Variants in SOX5 observed in about 807,000 individuals in gnomAD.
The protein encoded by SOX5 is SRY-box transcription factor 5, also known as transcription factor SOX-5.
A neutral mutation model predicts 92.0 loss-of-function variants in SOX5; 9 were observed. That is an observed-to-expected ratio of 0.10 (90% confidence interval 0.06 to 0.17). The LOEUF is 0.17. SOX5 is among the 10% of genes least tolerant of loss of function. The pLI, the probability that SOX5 is intolerant of heterozygous loss-of-function variation, is 1.00. For missense variants in SOX5, 642 were observed against 944.5 expected, an observed-to-expected ratio of 0.68 and a Z score of 4.20; for synonymous variants, 344 against 336.3, an observed-to-expected ratio of 1.02 and a Z score of -0.25.
At chr12:24,012,975 A>T (rs991572767) in intron 4 of SOX5, among the ~76,000 whole-genome samples, 1 of 152,162 alleles carries the variant, frequency 6.6e-6, no homozygotes, top group African/African-American at 2.4e-5. Flanking sequence ...TTTGGTGATC[A>T]CTTCATTCCC....
chr12:23,721,512 C>A (rs1404641373), intron 6 of SOX5, among the ~76,000 whole-genome samples: 2 of 151,796 alleles, frequency 1.3e-5, no homozygotes, highest in African/African-American at 4.8e-5. Context: ...AAAAAAAAAA[C>A]TTACAGTAAA....
intron 6 of SOX5, among the ~76,000 whole-genome samples, chr12:23,670,071 A>G (rs1185256828): frequency 6.6e-6 from 1 of 152,212 alleles, no homozygotes; most frequent in African/African-American, 2.4e-5. Context: ...AGATAAAATT[A>G]AAGTTAGACA....
chr12:24,527,971 A>C lies in SOX5; in HGVS notation c.-251+34358T>G, dbSNP rs374723258. Among the ~76,000 whole-genome samples the C allele has an allele frequency of 3.9e-5, 6 of 152,240 alleles. No individual in the cohort carries two copies. In the East Asian group the frequency reaches 1.2e-3, roughly 29 times the overall value. ...ACTTTTCCTTAGAGACACATCACTT[A>C]CTTGATTTATGTGGCTGACACTAGC... On this transcript the variant is annotated intron_variant, in intron 1 of 4. Transcript: ENST00000446891.
In SOX5 at chr12:24,464,728, A is replaced by C. The variant is rs781374718; in HGVS notation, c.-250-96089T>G. Among the ~76,000 whole-genome samples, 12 of 152,240 alleles carry C rather than the reference A, an allele frequency of 7.9e-5. No homozygotes were observed. The South Asian group carries it at 1.4e-3, about 18-fold the overall frequency. On this transcript the variant is annotated intron_variant, in intron 1 of 4. Transcript: ENST00000446891. Reference sequence around the variant, plus strand: ...TATTAATAAAAATCCTATGAGATAGAAACTAATAGTAGCCCCACTTTCCAG... The same window carrying C: ...TATTAATAAAAATCCTATGAGATAGCAACTAATAGTAGCCCCACTTTCCAG...
At chr12:23,824,086 G>T (rs909043973) in intron 3 of SOX5, among the ~76,000 whole-genome samples, 1 of 152,174 alleles carries the variant, frequency 6.6e-6, no homozygotes, top group Admixed American at 6.5e-5. Flanking sequence ...GGAGGAGTTT[G>T]CTATTACTCA....
At chr12:23,644,284 G>A (rs1452268063) in intron 7 of SOX5, among the ~76,000 whole-genome samples, 1 of 152,160 alleles carries the variant, frequency 6.6e-6, no homozygotes, top group Non-Finnish European at 1.5e-5. Flanking sequence ...GCTTGGAACA[G>A]ATTCTACCCA....
At chr12:23,537,866 C>T (rs986788637) in intron 13 of SOX5, among the ~76,000 whole-genome samples, 3 of 151,622 alleles carry the variant, frequency 2.0e-5, no homozygotes, top group Admixed American at 2.0e-4. Flanking sequence ...TTCTCAAAGG[C>T]GGTGTGTCCG....
chr12:23,980,229 C>T (rs1387444614), intron 4 of SOX5, among the ~76,000 whole-genome samples: 1 of 152,002 alleles, frequency 6.6e-6, no homozygotes, highest in Admixed American at 6.6e-5. Context: ...TACTGAGAGA[C>T]TAAATAGTAA....
intron 13 of SOX5, among the ~76,000 whole-genome samples, chr12:23,537,948 T>G (rs1044407587): frequency 6.6e-6 from 1 of 151,946 alleles, no homozygotes; most frequent in Non-Finnish European, 1.5e-5. Context: ...AATAGCGTTT[T>G]TTTTTTTTTA....
chr12:23,997,842 A>C (rs1188168316), intron 4 of SOX5, among the ~76,000 whole-genome samples: 1 of 152,224 alleles, frequency 6.6e-6, no homozygotes, highest in East Asian at 1.9e-4. Context: ...TATAAAAAGA[A>C]ACATTAGGCA....
chr12:24,420,733 G>A (rs1477051310), intron 1 of SOX5, among the ~76,000 whole-genome samples: 1 of 151,992 alleles, frequency 6.6e-6, no homozygotes, highest in African/African-American at 2.4e-5. Flanking sequence ...TTTCTACTTT[G>A]CAACCCCTAA....
intron 4 of SOX5, among the ~76,000 whole-genome samples, chr12:24,068,747 TAC>T (rs147957201): frequency 0.081 from 5,537 of 68,576 alleles, 268 homozygotes; most frequent in Middle Eastern, 0.12. Context: ...TATATATATA[TAC>T]ACACACACAC....
At chr12:24,495,474 C>A (rs61909210) in intron 1 of SOX5, among the ~76,000 whole-genome samples, 1,866 of 152,262 alleles carry the variant, frequency 0.012, 13 homozygotes, top group South Asian at 0.033. Flanking sequence ...ACAAGATGAT[C>A]CTTAGGAACT....
In SOX5 at chr12:24,127,543, A is replaced by G. The variant is rs191868163; in HGVS notation, c.-2+85800T>C. Among the ~76,000 whole-genome samples, 408 of 152,210 alleles carry G rather than the reference A, an allele frequency of 2.7e-3. 3 individuals are homozygous for G. The highest frequency in any genetic ancestry group is 0.01 in the Middle Eastern group (3 of 294). The stretch of plus-strand genomic sequence containing the variant: ...TATCTCTAAGCCACCTTGAAGGTAG[A>G]TATTGAGGAAGATCCTAAGCTTCTC... On this transcript the variant is annotated intron_variant, in intron 4 of 4. Coordinates refer to the SOX5 transcript ENST00000446891.
chr12:24,487,296 T>C (rs1032482971), intron 1 of SOX5, among the ~76,000 whole-genome samples: 4 of 152,176 alleles, frequency 2.6e-5, no homozygotes, highest in African/African-American at 9.7e-5. Context: ...TTAGAACCAA[T>C]AGATTTATGT....
chr12:24,012,401 T>C (rs1247737374), intron 4 of SOX5, among the ~76,000 whole-genome samples: 1 of 152,168 alleles, frequency 6.6e-6, no homozygotes, highest in African/African-American at 2.4e-5. Context: ...AAATTTCATA[T>C]GACACGGAAG....
At chr12:23,570,934 T>A (rs1325766549) in intron 10 of SOX5, among the ~76,000 whole-genome samples, 684 of 8,764 alleles carry the variant, frequency 0.078, 64 homozygotes, top group East Asian at 0.18. Flanking sequence ...AAAAAAAATA[T>A]ATATATATAT....
chr12:23,546,279 T>C (rs1943121181), intron 12 of SOX5, 37 bp downstream of exon 12: 1 of 1,189,520 alleles, frequency 8.4e-7, no homozygotes, highest in South Asian at 1.2e-5. Context: ...GACACTTTCT[T>C]GCATTATTAG....
intron 4 of SOX5, among the ~76,000 whole-genome samples, chr12:23,997,449 C>T: frequency 6.6e-6 from 1 of 152,192 alleles, no homozygotes; most frequent in South Asian, 2.1e-4. Flanking sequence ...AATAGACCTG[C>T]CTACAGTCAG....
Sources: gnomAD v4.1 joint callset for allele counts (sites outside exome capture counted in the v4.1 genomes callset) on GRCh38, gnomAD v4.1.1 for gene constraint, MANE v1.5 for transcripts, NCBI Gene and HGNC (gene_info 2026-07-23, HGNC 2026-07-21) for gene names.